DIAPH1: variants seen among roughly 807,000 people sequenced by gnomAD.
DIAPH1 encodes protein diaphanous homolog 1.
A neutral mutation model predicts 140.7 loss-of-function variants in DIAPH1; 46 were observed. That is an observed-to-expected ratio of 0.33 (90% CI 0.26 to 0.42). DIAPH1 has a LOEUF of 0.42. Among genes scored for constraint, DIAPH1 ranks in the 10% least tolerant of loss-of-function variants. The probability of loss-of-function intolerance (pLI) is 1.00; values close to 1 mark genes in which losing one functional copy is unlikely to be tolerated. For synonymous variants in DIAPH1, 565 were observed against 551.6 expected, an observed-to-expected ratio of 1.02 and a Z score of -0.34; for missense variants, 1,310 against 1,558.7, an observed-to-expected ratio of 0.84 and a Z score of 2.69.
chr5:141,529,769 A>C, intron 19 of DIAPH1, 72 bp from the exon 20 acceptor site: 1 of 1,301,110 alleles, frequency 7.7e-7, no homozygotes, highest in Non-Finnish European at 1.1e-6. Flanking sequence ...CTGCAAACCT[A>C]TGCTGGATAA....
chr5:141,519,650 A>G lies in DIAPH1; in HGVS notation c.3662-2642T>C, dbSNP rs535906925. ...CAAACTTCATAAGAACCAGGAGCAGAGAGTAGGTAGGGAGAAGATCAAAAT... is the reference window on the plus strand; with the variant it reads ...CAAACTTCATAAGAACCAGGAGCAGGGAGTAGGTAGGGAGAAGATCAAAAT... On this transcript the variant is annotated intron_variant, in intron 27 of 27. Transcript: ENST00000389054. Among the ~76,000 whole-genome samples, 9 of 152,342 alleles carry G rather than the reference A, an allele frequency of 5.9e-5. 1 individual carries two copies. The East Asian group carries it at 1.7e-3, about 29-fold the overall frequency.
intron 1 of DIAPH1, among the ~76,000 whole-genome samples, chr5:141,614,302 A>T (rs1462847291): frequency 6.6e-6 from 1 of 152,180 alleles, no homozygotes; most frequent in Non-Finnish European, 1.5e-5. Context: ...CTTCTAAATC[A>T]TATGTGACAT....
chr5:141,574,250 C>T, intron 15 of DIAPH1, 42 bp from the exon 16 acceptor site: 1 of 1,600,944 alleles, frequency 6.2e-7, no homozygotes, highest in Non-Finnish European at 8.6e-7. Context: ...CACCCCACTT[C>T]AGGGACTACT....
At position 141,529,634 on chromosome 5, in the gene DIAPH1, T is replaced by G; in HGVS notation, c.2645A>C (p.Asn882Thr). The part of the protein sequence containing the change: ...QEIKNVILEV[N>T]EAVLTESMIQ... Reference sequence around the variant, plus strand: ...CATAGACTCAGTCAGAACAGCCTCATTCACCTCCAGGATGACATTCTTAAT... The same window carrying G: ...CATAGACTCAGTCAGAACAGCCTCAGTCACCTCCAGGATGACATTCTTAAT... The change falls in exon 20 of 28, where the codon AAT (asparagine) becomes ACT (threonine). Residue 882 changes from asparagine to threonine, a missense_variant. Physicochemically the swap from Asn to Thr is moderately conservative, Grantham distance 65. Coordinates refer to ENST00000389054, the MANE Select transcript of DIAPH1 (RefSeq NM_005219.5). The G allele has an allele frequency of 6.2e-7, 1 of 1,614,150 alleles. No individual in the cohort carries two copies. Among genetic ancestry groups the G allele is most frequent in the South Asian group, 1.1e-5 (1 of 91,078 alleles).
intron 18 of DIAPH1, among the ~76,000 whole-genome samples, chr5:141,551,262 C>T (rs1239998585): frequency 2.6e-5 from 4 of 152,180 alleles, no homozygotes; most frequent in Non-Finnish European, 5.9e-5. Context: ...AGAGCCTGGG[C>T]AACATAGTGA....
chr5:141,579,732 A>C (rs962097460), intron 8 of DIAPH1, among the ~76,000 whole-genome samples: 6 of 151,984 alleles, frequency 3.9e-5, no homozygotes, highest in Non-Finnish European at 7.4e-5. Context: ...GGCGGATCAC[A>C]AGGTCAGGAG....
chr5:141,589,780 C>T (rs924615587), intron 1 of DIAPH1, among the ~76,000 whole-genome samples: 9 of 152,094 alleles, frequency 5.9e-5, no homozygotes, highest in African/African-American at 2.2e-4. Context: ...CTTCTGTATA[C>T]ATGTTATACT....
intron 1 of DIAPH1, among the ~76,000 whole-genome samples, chr5:141,608,968 G>A (rs536858305): frequency 6.6e-6 from 1 of 152,066 alleles, no homozygotes; most frequent in Non-Finnish European, 1.5e-5. Flanking sequence ...TAAAACTCCT[G>A]ACAGGTGATG....
chr5:141,559,801 C>T (rs2099893233), intron 18 of DIAPH1, among the ~76,000 whole-genome samples: 1 of 152,058 alleles, frequency 6.6e-6, no homozygotes. Flanking sequence ...TGCAAGGAAA[C>T]AATAGGCTAG....
chr5:141,518,825 GC>G, intron 27 of DIAPH1: 1 of 990,346 alleles, frequency 1.0e-6, no homozygotes, highest in Non-Finnish European at 1.6e-6. Context: ...GCCTGCCAAA[GC>G]CCAAGTCTTA....
At chr5:141,582,450 G>C in intron 6 of DIAPH1, 75 bp from the exon 7 acceptor site, 1 of 1,146,188 alleles carries the variant, frequency 8.7e-7, no homozygotes, top group Non-Finnish European at 1.3e-6. Flanking sequence ...TGCAAACAAG[G>C]TTCTTAGGAA....
intron 1 of DIAPH1, among the ~76,000 whole-genome samples, chr5:141,593,264 A>AC (rs772748514): frequency 1.3e-5 from 2 of 151,966 alleles, no homozygotes; most frequent in African/African-American, 2.4e-5. Flanking sequence ...ATCATACCCC[A>AC]CCCCTCAACC....
At chr5:141,591,695 GATATATATAT>G (rs56117502) in intron 1 of DIAPH1, among the ~76,000 whole-genome samples, 1,292 of 86,346 alleles carry the variant, frequency 0.015, 121 homozygotes, top group Middle Eastern at 0.029. Context: ...GGGAGATGGG[GATATATATAT>G]ATATATATAT....
At chr5:141,560,790 G>A in intron 18 of DIAPH1, 1 of 454,726 alleles carries the variant, frequency 2.2e-6, no homozygotes, top group South Asian at 1.6e-5. Flanking sequence ...GGAAGTAACA[G>A]GGTAAGAGCA....
rs746814118 is a variant in DIAPH1 at position 141,588,212 on chromosome 5, A to T, written c.144+12T>A. 6.2e-7 allele frequency: 1 copy of T among 1,609,576 alleles called. No individual in the cohort carries two copies. The highest frequency in any genetic ancestry group is 1.1e-5 in the South Asian group (1 of 90,934). On this transcript the variant is annotated intron_variant, in intron 2 of 27. Transcript: ENST00000389054. ...AGCTAGAACATGCACATGCTAAACAAAATGTCCTTACCTCATCTGCCATGA... is the reference window on the plus strand; with the variant it reads ...AGCTAGAACATGCACATGCTAAACATAATGTCCTTACCTCATCTGCCATGA...
chr5:141,525,594 T>C (rs2099887211), intron 26 of DIAPH1, among the ~76,000 whole-genome samples: 1 of 152,096 alleles, frequency 6.6e-6, no homozygotes, highest in Admixed American at 6.5e-5. Context: ...ACAACTGTGC[T>C]AAGGTACTAG....
At chr5:141,612,977 C>G (rs796343749) in intron 1 of DIAPH1, among the ~76,000 whole-genome samples, 1 of 152,138 alleles carries the variant, frequency 6.6e-6, no homozygotes, top group Non-Finnish European at 1.5e-5. Flanking sequence ...AAAGAAATTA[C>G]AAATCCAAAG....
At chr5:141,571,711 A>C in intron 17 of DIAPH1, 1 of 683,656 alleles carries the variant, frequency 1.5e-6, no homozygotes, top group Non-Finnish European at 2.7e-6. Context: ...GATACAAAAT[A>C]CCTACATACA....
chr5:141,581,717 A>G (rs1229406848), intron 7 of DIAPH1, among the ~76,000 whole-genome samples: 1 of 152,158 alleles, frequency 6.6e-6, no homozygotes, highest in African/African-American at 2.4e-5. Context: ...AATATTGCAG[A>G]GACAATAACT....
Sources: gnomAD v4.1 joint callset for allele counts (sites outside exome capture counted in the v4.1 genomes callset) on GRCh38, gnomAD v4.1.1 for gene constraint, MANE v1.5 for transcripts, NCBI Gene and HGNC (gene_info 2026-07-23, HGNC 2026-07-21) for gene names.